The following GALNT13 variants were observed in gnomAD, a reference collection of about 807,000 sequenced individuals.
GALNT13 encodes UDP-GalNAc:polypeptide N-acetylgalactosaminyltransferase 13.
GALNT13 carries 28 observed loss-of-function variants against 64.2 expected under a neutral mutation model. The ratio of observed to expected loss-of-function variants is 0.44; its 90% CI spans 0.32 to 0.60. The LOEUF (loss-of-function observed/expected upper bound fraction) is 0.60, where lower values mean the gene tolerates loss of function less well. GALNT13 is among the 20% of genes least tolerant of loss of function. GALNT13 has a pLI of 0.05. For synonymous variants in GALNT13, 214 were observed against 224.6 expected (o/e 0.95, Z 0.42); for missense variants, 577 against 669.8 (o/e 0.86, Z 1.53).
At chr2:153,125,251 C>T in the GALNT13 span, among the ~76,000 whole-genome samples, 1 of 152,168 alleles carries the variant, frequency 6.6e-6, no homozygotes, top group Non-Finnish European at 1.5e-5. Flanking sequence ...TGTCTGGTTT[C>T]CAGGCCAGTA....
the GALNT13 span, among the ~76,000 whole-genome samples, chr2:153,111,331 A>G: frequency 2.0e-5 from 3 of 151,282 alleles, no homozygotes; most frequent in African/African-American, 4.9e-5. Context: ...TTTTCATTTT[A>G]AAAAAAAACA....
At chr2:153,753,325 A>G in the GALNT13 span, among the ~76,000 whole-genome samples, 3 of 152,146 alleles carry the variant, frequency 2.0e-5, no homozygotes, top group Admixed American at 6.5e-5. Flanking sequence ...GTGGCTGGGC[A>G]TTGAAGAGTT....
the GALNT13 span, among the ~76,000 whole-genome samples, chr2:153,079,197 A>C: frequency 6.1e-4 from 93 of 152,260 alleles, no homozygotes; most frequent in South Asian, 1.9e-3. Flanking sequence ...CAGGAGCTAG[A>C]GGGAGGAGGG....
the GALNT13 span, among the ~76,000 whole-genome samples, chr2:153,483,051 A>G: frequency 6.6e-6 from 1 of 152,236 alleles, no homozygotes; most frequent in African/African-American, 2.4e-5. Context: ...AGATTTCCAT[A>G]TAAAATGGTT....
At position 154,108,231 on chromosome 2, in the gene GALNT13, C is replaced by T. The variant is rs78130335; in HGVS notation, c.143-32106C>T. Among the ~76,000 whole-genome samples the T allele has an allele frequency of 4.5e-3, 677 of 151,136 alleles. 7 individuals carry two copies. The highest frequency in any genetic ancestry group is 0.016 in the African/African-American group (661 of 41,242). On this transcript the variant is annotated intron_variant, in intron 3 of 12. Transcript: ENST00000392825. The stretch of plus-strand genomic sequence containing the variant: ...TAATAATTTACATTCCCACCAAGAG[C>T]GTACAAGGGTTCCCTTTTCTCCACA...
intron 3 of GALNT13, among the ~76,000 whole-genome samples, chr2:153,986,074 G>A (rs1694777402): frequency 1.3e-5 from 2 of 152,128 alleles, no homozygotes; most frequent in Middle Eastern, 3.4e-3. Context: ...GAAATATCGG[G>A]CATGAGACTA....
chr2:153,206,556 G>T, the GALNT13 span, among the ~76,000 whole-genome samples: 1 of 151,964 alleles, frequency 6.6e-6, no homozygotes, highest in Non-Finnish European at 1.5e-5. Context: ...GATTATAAAG[G>T]TCATTTTGAA....
the GALNT13 span, among the ~76,000 whole-genome samples, chr2:153,588,583 G>A: frequency 6.6e-6 from 1 of 152,146 alleles, no homozygotes; most frequent in Non-Finnish European, 1.5e-5. Flanking sequence ...CCTGAGTCTG[G>A]CCCACAAAAC....
At chr2:153,893,718 C>A (rs377304724) in intron 1 of GALNT13, among the ~76,000 whole-genome samples, 3 of 152,034 alleles carry the variant, frequency 2.0e-5, no homozygotes, top group East Asian at 3.9e-4. Context: ...GACTACATGG[C>A]ATTTCATCAT....
the GALNT13 span, among the ~76,000 whole-genome samples, chr2:153,482,821 T>C: frequency 2.0e-5 from 3 of 151,688 alleles, no homozygotes; most frequent in Admixed American, 6.6e-5. Context: ...ATCTGTTAAA[T>C]GGGGATAACA....
chr2:153,656,215 A>G, the GALNT13 span, among the ~76,000 whole-genome samples: 1 of 152,146 alleles, frequency 6.6e-6, no homozygotes, highest in East Asian at 1.9e-4. Context: ...AATAAAGTGA[A>G]TAAAACAAAA....
chr2:154,445,781 A>C, intron 12 of GALNT13: 2 of 1,285,698 alleles, frequency 1.6e-6, no homozygotes, highest in Non-Finnish European at 2.0e-6. Context: ...CTGGTCTTTC[A>C]CTAAGTGTTT....
At chr2:154,372,348 A>T (rs799780) in intron 9 of GALNT13, among the ~76,000 whole-genome samples, 92,275 of 152,042 alleles carry the variant, frequency 0.61, 28,730 homozygotes, top group Admixed American at 0.67. Context: ...TCTAATCCCC[A>T]GATGTACTGA....
chr2:154,300,100 T>TC (rs374044678), intron 8 of GALNT13, among the ~76,000 whole-genome samples: 25 of 1,678 alleles, frequency 0.015, no homozygotes, highest in Admixed American at 0.1. Context: ...TCTTTCTCTC[T>TC]TTTTTTTTTT....
chr2:153,557,678 G>A, the GALNT13 span, among the ~76,000 whole-genome samples: 582 of 152,084 alleles, frequency 3.8e-3, 2 homozygotes, highest in Non-Finnish European at 6.9e-3. Flanking sequence ...GTCACTCCTC[G>A]GCTTAACATC....
chr2:153,830,046 G>C, the GALNT13 span, among the ~76,000 whole-genome samples: 1 of 152,034 alleles, frequency 6.6e-6, no homozygotes, highest in Non-Finnish European at 1.5e-5. Flanking sequence ...AGTTTTAAAA[G>C]TATTTTTAGA....
chr2:153,995,115 CAATT>C (rs1045629234), intron 3 of GALNT13, among the ~76,000 whole-genome samples: 19 of 144,588 alleles, frequency 1.3e-4, no homozygotes, highest in East Asian at 4.2e-4. Context: ...AACTAAGAAA[CAATT>C]AATTAGATTA....
the GALNT13 span, among the ~76,000 whole-genome samples, chr2:153,781,339 C>T: frequency 8.5e-5 from 13 of 152,238 alleles, no homozygotes; most frequent in East Asian, 2.3e-3. Context: ...CTTTCTATTG[C>T]CTCAGTTTGC....
chr2:154,066,597 A>G lies in GALNT13; in HGVS notation c.143-73740A>G, dbSNP rs138730197. Among the ~76,000 whole-genome samples, 728 of 152,130 alleles carry G rather than the reference A, an allele frequency of 4.8e-3. 6 individuals carry two copies. Among genetic ancestry groups the G allele is most frequent in the African/African-American group, 0.017 (686 of 41,540 alleles). ...ATGACATATTTAAAGTGCTGAAGGAAAAAGCATTTTGCCCTAGAATGGTAT... is the reference window on the plus strand; with the variant it reads ...ATGACATATTTAAAGTGCTGAAGGAGAAAGCATTTTGCCCTAGAATGGTAT... On this transcript the variant is annotated intron_variant, in intron 3 of 12. Coordinates refer to ENST00000392825, the MANE Select transcript of GALNT13 (RefSeq NM_052917.4).
Sources: gnomAD v4.1 joint callset for allele counts (sites outside exome capture counted in the v4.1 genomes callset) on GRCh38, gnomAD v4.1.1 for gene constraint, MANE v1.5 for transcripts, NCBI Gene and HGNC (gene_info 2026-07-23, HGNC 2026-07-21) for gene names.